Variants in RSRC1 observed in about 807,000 individuals in gnomAD.
The protein encoded by RSRC1 is serine/Arginine-related protein 53.
Under a neutral mutation model 49.1 loss-of-function variants are expected in RSRC1, and 39 were observed. The ratio of observed to expected loss-of-function variants is 0.79; its 90% CI spans 0.61 to 1.04. The LOEUF (loss-of-function observed/expected upper bound fraction) is 1.04. Ranked by LOEUF, RSRC1 falls within the 50% of genes least tolerant of loss-of-function variation. RSRC1 has a pLI of 0.00. For missense variants in RSRC1, 388 were observed against 402.4 expected, an observed-to-expected ratio of 0.96 and a Z score of 0.31; for synonymous variants, 143 against 130.8, an observed-to-expected ratio of 1.09 and a Z score of -0.63.
At chr3:158,375,066 T>C (rs1158740345) in intron 6 of RSRC1, among the ~76,000 whole-genome samples, 2 of 151,884 alleles carry the variant, frequency 1.3e-5, no homozygotes, top group East Asian at 3.8e-4. Context: ...TTTTAAAAAT[T>C]GTTTTAAAAA....
At chr3:158,197,744 T>A (rs1341010338) in intron 3 of RSRC1, among the ~76,000 whole-genome samples, 1 of 152,222 alleles carries the variant, frequency 6.6e-6, no homozygotes, top group Non-Finnish European at 1.5e-5. Context: ...TTCATTTCGT[T>A]ATGTACCCAG....
intron 7 of RSRC1, among the ~76,000 whole-genome samples, chr3:158,500,738 A>G (rs943693736): frequency 1.3e-5 from 2 of 152,020 alleles, no homozygotes; most frequent in Non-Finnish European, 2.9e-5. Flanking sequence ...TAATGAGGTT[A>G]TTTGGATTTC....
intron 7 of RSRC1, among the ~76,000 whole-genome samples, chr3:158,497,280 G>C (rs1450233404): frequency 6.9e-6 from 1 of 144,478 alleles, no homozygotes; most frequent in East Asian, 2.0e-4. Flanking sequence ...AGTTATTGGG[G>C]TACAGGTGGT....
intron 4 of RSRC1, among the ~76,000 whole-genome samples, chr3:158,269,098 A>G (rs1725361235): frequency 1.3e-5 from 2 of 152,200 alleles, no homozygotes; most frequent in South Asian, 4.1e-4. Context: ...TAAGGTTGAG[A>G]ATCTTTTTAT....
chr3:158,163,230 T>G (rs1256895256), intron 3 of RSRC1, among the ~76,000 whole-genome samples: 1 of 152,188 alleles, frequency 6.6e-6, no homozygotes, highest in Non-Finnish European at 1.5e-5. Context: ...CTCAAACTCC[T>G]GGCTTCAAGT....
At chr3:158,527,151 C>T (rs1712092837) in intron 7 of RSRC1, among the ~76,000 whole-genome samples, 1 of 150,572 alleles carries the variant, frequency 6.6e-6, no homozygotes, top group Non-Finnish European at 1.5e-5. Flanking sequence ...ATACTCCCAG[C>T]CCCATGGTGT....
chr3:158,492,564 A>C (rs1739130047), intron 7 of RSRC1, among the ~76,000 whole-genome samples: 1 of 152,042 alleles, frequency 6.6e-6, no homozygotes, highest in South Asian at 2.1e-4. Flanking sequence ...GGAGGTGGAG[A>C]AATTCTCTTT....
chr3:158,270,322 T>C (rs1725435858), intron 4 of RSRC1, among the ~76,000 whole-genome samples: 1 of 152,182 alleles, frequency 6.6e-6, no homozygotes, highest in African/African-American at 2.4e-5. Flanking sequence ...CCTCCCGAGT[T>C]AACCATGATC....
In RSRC1 at chr3:158,123,936, G is replaced by A. The variant is rs764704534; in HGVS notation, c.265G>A (p.Gly89Ser). The A allele has an allele frequency of 4.3e-6, 7 of 1,612,878 alleles. No homozygotes were observed. The highest frequency in any genetic ancestry group is 5.9e-6 in the Non-Finnish European group (7 of 1,179,338). Residue 89 changes from glycine (G) to serine (S), a missense_variant, in exon 3 of 10, where the codon GGT becomes AGT. Transcript: ENST00000611884. The stretch of plus-strand genomic sequence containing the variant: ...GAAACGAAGTCGAAGTCGTTCAAGG[G>A]GTCGAGGGAAATCCTATAGAGTTCA... ...RRKRSRSRSRGRGKSYRVQRS... is the reference protein window; with the variant it reads ...RRKRSRSRSRSRGKSYRVQRS...
At chr3:158,372,879 A>G (rs1732158764) in intron 6 of RSRC1, among the ~76,000 whole-genome samples, 1 of 151,690 alleles carries the variant, frequency 6.6e-6, no homozygotes, top group Non-Finnish European at 1.5e-5. Context: ...TTTATCAGAG[A>G]TTTGTCGTTT....
intron 7 of RSRC1, among the ~76,000 whole-genome samples, chr3:158,512,655 C>G (rs62287890): frequency 0.3 from 43,764 of 146,948 alleles, 6,768 homozygotes; most frequent in South Asian, 0.39. Context: ...TGTGAAGAAA[C>G]TCATTGGTAG....
chr3:158,470,355 C>CAT (rs1305618940), intron 7 of RSRC1, among the ~76,000 whole-genome samples: 166 of 117,192 alleles, frequency 1.4e-3, no homozygotes, highest in African/African-American at 6.0e-3. Context: ...CACACACACA[C>CAT]ACACACATAT....
intron 3 of RSRC1, among the ~76,000 whole-genome samples, chr3:158,159,700 C>G (rs902992233): frequency 6.6e-6 from 1 of 152,048 alleles, no homozygotes; most frequent in African/African-American, 2.4e-5. Flanking sequence ...TTACATAGAG[C>G]TCACTAAATG....
At chr3:158,411,582 A>G (rs1330081932) in intron 6 of RSRC1, among the ~76,000 whole-genome samples, 1 of 151,686 alleles carries the variant, frequency 6.6e-6, no homozygotes, top group African/African-American at 2.4e-5. Flanking sequence ...CAGTGGTGCC[A>G]TCATAGTTCA....
intron 3 of RSRC1, among the ~76,000 whole-genome samples, chr3:158,174,988 G>A (rs942783889): frequency 1.3e-5 from 2 of 151,980 alleles, no homozygotes; most frequent in South Asian, 4.1e-4. Context: ...ATTTGCTATT[G>A]TCAATTAATT....
chr3:158,470,877 A>G (rs1578519369), intron 7 of RSRC1, among the ~76,000 whole-genome samples: 1 of 152,316 alleles, frequency 6.6e-6, no homozygotes, highest in East Asian at 1.9e-4. Context: ...GCATTAGACA[A>G]TACATAGGGC....
At chr3:158,285,195 G>C (rs1298664276) in intron 4 of RSRC1, among the ~76,000 whole-genome samples, 1 of 152,178 alleles carries the variant, frequency 6.6e-6, no homozygotes, top group African/African-American at 2.4e-5. Context: ...TCAAAGATCA[G>C]ATAGTTGTAG....
intron 6 of RSRC1, among the ~76,000 whole-genome samples, chr3:158,385,015 G>T (rs1047677664): frequency 6.6e-6 from 1 of 152,034 alleles, no homozygotes; most frequent in Non-Finnish European, 1.5e-5. Flanking sequence ...TGTGGAAGAA[G>T]GAAGGAGAAG....
chr3:158,494,826 G>A (rs1483537452), intron 7 of RSRC1, among the ~76,000 whole-genome samples: 4 of 152,080 alleles, frequency 2.6e-5, no homozygotes, highest in African/African-American at 9.7e-5. Flanking sequence ...ACCACCAGAA[G>A]GTGTTTAGGG....
Sources: allele counts gnomAD v4.1 joint callset (sites outside exome capture counted in the v4.1 genomes callset), GRCh38; gene constraint gnomAD v4.1.1; transcripts MANE v1.5; gene names NCBI Gene and HGNC (gene_info 2026-07-23, HGNC 2026-07-21).